Variants in WDR62 observed in about 807,000 individuals in gnomAD.
WDR62 encodes the protein WD repeat domain 62.
Under a neutral mutation model 160.6 loss-of-function variants are expected in WDR62, and 112 were observed. The observed-to-expected ratio is 0.70, with a 90% CI of 0.60 to 0.82. The LOEUF (loss-of-function observed/expected upper bound fraction) is 0.82. Ranked by LOEUF, WDR62 falls within the 40% of genes least tolerant of loss-of-function variation. The pLI, the probability that WDR62 is intolerant of heterozygous loss-of-function variation, is 0.00. For missense variants in WDR62, 1,819 were observed against 1,983.8 expected (o/e 0.92, Z 1.58); for synonymous variants, 792 against 815.1 (o/e 0.97, Z 0.48).
intron 16 of WDR62, 84 bp from the exon 17 acceptor site, chr19:36,091,116 C>T (rs1396163390): frequency 1.6e-5 from 19 of 1,187,236 alleles, no homozygotes; most frequent in Non-Finnish European, 2.3e-5. Context: ...GCTGTGCATG[C>T]AGCACGGGGG....
chr19:36,081,210 A>G (rs1971875834), intron 9 of WDR62, among the ~76,000 whole-genome samples: 1 of 152,140 alleles, frequency 6.6e-6, no homozygotes, highest in Admixed American at 6.5e-5. Context: ...TTCCCTTGGA[A>G]GTTTATTTGA....
At chr19:36,109,912 G>A (rs1357673461), downstream of WDR62, among the ~76,000 whole-genome samples, 1 of 151,648 alleles carries the variant, frequency 6.6e-6, no homozygotes, top group African/African-American at 2.4e-5. Flanking sequence ...AAAATCAGCT[G>A]GGTGCAGTGG....
chr19:36,078,833 C>CAAAAA (rs748116998), intron 9 of WDR62, among the ~76,000 whole-genome samples: 2 of 65,348 alleles, frequency 3.1e-5, no homozygotes, highest in Admixed American at 1.8e-4. Context: ...GAGACTCTGT[C>CAAAAA]AAAAAAAAAA....
In WDR62 at chr19:36,092,766, A is replaced by G. The variant is rs765510155; in HGVS notation, c.2288A>G (p.Gln763Arg). The stretch of plus-strand genomic sequence containing the variant: ...CACTTGCTGGAGATTGACCACCGGC[A>G]GCAGCAGCAGCACACAAATGACAAG... ...KQHLLEIDHR[Q>R]QQQHTNDKKR... The change falls in exon 19 of 32, where the codon CAG becomes CGG. Residue 763 changes from glutamine to arginine, a missense_variant. This residue lies in a region of WDR62 where 934 missense variants were observed against 1,157.2 expected (regional missense o/e 0.81). Coordinates refer to ENST00000401500, the MANE Select transcript of WDR62 (RefSeq NM_001083961.2). 9 of 1,599,796 alleles carry G rather than the reference A, an allele frequency of 5.6e-6. No homozygotes were observed. The highest frequency in any genetic ancestry group is 1.7e-5 in the Admixed American group (1 of 59,560).
In WDR62 at chr19:36,092,674, CTT is replaced by C; in HGVS notation, c.2211-13_2211-12del. ...CTCTTCCTCTGCCTTGTGTGTCTCT[CTT>C]TGACCTCCGCAGCTGCGTGTTCATC... On this transcript the variant is annotated splice_polypyrimidine_tract_variant and intron_variant, in intron 18 of 31. Transcript: ENST00000401500. The C allele has an allele frequency of 6.2e-7, 1 of 1,614,016 alleles. No individual in the cohort carries two copies. The highest frequency in any genetic ancestry group is 2.2e-5 in the East Asian group (1 of 44,882).
intron 9 of WDR62, among the ~76,000 whole-genome samples, chr19:36,074,520 G>A (rs1971473672): frequency 6.6e-6 from 1 of 152,106 alleles, no homozygotes; most frequent in Non-Finnish European, 1.5e-5. Context: ...AAATTAGCCA[G>A]GCGCGCCTAT....
chr19:36,106,395 C>A (rs1973713745), downstream of WDR62, among the ~76,000 whole-genome samples: 1 of 151,880 alleles, frequency 6.6e-6, no homozygotes, highest in South Asian at 2.1e-4. Context: ...CTGCCAGTTC[C>A]CACCCAGGTG....
At chr19:36,072,112 C>T (rs1971332709) in intron 8 of WDR62, among the ~76,000 whole-genome samples, 1 of 152,216 alleles carries the variant, frequency 6.6e-6, no homozygotes, top group African/African-American at 2.4e-5. Flanking sequence ...AAATCTCTGC[C>T]TCTCTGCAGT....
intron 26 of WDR62, 88 bp from the exon 27 acceptor site, chr19:36,102,649 G>A (rs1401004901): frequency 5.2e-6 from 6 of 1,150,136 alleles, no homozygotes; most frequent in Non-Finnish European, 7.8e-6. Context: ...GGGTTTCTGG[G>A]GAGTGCCCCG....
Position 36,102,724 on chromosome 19 carries a change from G to C in WDR62, c.3221-13G>C, listed in dbSNP as rs753800840. 40 of 1,613,294 alleles carry C rather than the reference G, an allele frequency of 2.5e-5. No individual in the cohort carries two copies. The South Asian group carries it at 4.4e-4, about 18-fold the overall frequency. On this transcript the variant is annotated splice_polypyrimidine_tract_variant and intron_variant, in intron 26 of 31. Transcript: ENST00000401500. Reference sequence around the variant, plus strand: ...GGAAGGGTTATGAGGGTCCCCTCGGGATCTTCCCCTAGAGCTCTTCCCCGC... The same window carrying C: ...GGAAGGGTTATGAGGGTCCCCTCGGCATCTTCCCCTAGAGCTCTTCCCCGC...
intron 20 of WDR62, 80 bp from the exon 21 acceptor site, chr19:36,096,947 C>T: frequency 7.2e-7 from 1 of 1,384,786 alleles, no homozygotes; most frequent in South Asian, 1.2e-5. Flanking sequence ...GGTGTTGCCT[C>T]TTTGGGGACT....
chr19:36,064,860 G>C (rs758741598), intron 3 of WDR62, among the ~76,000 whole-genome samples: 1 of 152,166 alleles, frequency 6.6e-6, no homozygotes, highest in Non-Finnish European at 1.5e-5. Flanking sequence ...GATTACAGGC[G>C]TGAGGCACCG....
At chr19:36,067,565 G>T (rs1971009003) in intron 6 of WDR62, 122 bp downstream of exon 6, 2 of 1,431,322 alleles carry the variant, frequency 1.4e-6, no homozygotes, top group Non-Finnish European at 1.9e-6. Flanking sequence ...GCCTCTCAGG[G>T]GCCCAGCTGC....
At position 36,084,743 on chromosome 19, in the gene WDR62, G is replaced by T. The variant is rs2301734; in HGVS notation, c.1641G>T (p.Thr547=). The stretch of plus-strand genomic sequence containing the variant: ...GCCTGGAGTACTCCAAGCCAGAGAC[G>T]GGTGAGCCCGCAGCAGGGGTGGAAT... ...VLCLEYSKPE[T]GLTLLASASR... is the part of the protein sequence containing the mutation. Residue 547 remains threonine (T), a splice_region_variant and synonymous_variant, in exon 12 of 32, where the codon ACG becomes ACT. Coordinates refer to ENST00000401500, the MANE Select transcript of WDR62 (RefSeq NM_001083961.2). 352 of 1,612,916 alleles carry T rather than the reference G, an allele frequency of 2.2e-4. 1 individual carries two copies. The African/African-American group carries it at 4.1e-3, about 19-fold the overall frequency.
At position 36,067,891 on chromosome 19, in the gene WDR62, T is replaced by G; in HGVS notation, c.763T>G (p.Phe255Val). ...CCTGGGCGAGCTGCACAACAACATC[T>G]TCTGTGGTGTGGCCTGCGGTCGGGG... ...GILGELHNNI[F>V]CGVACGRGRM... The change falls in exon 7 of 32, where the codon TTC (phenylalanine) becomes GTC (valine). Residue 255 changes from phenylalanine (F) to valine (V), a missense_variant. Coordinates refer to ENST00000401500, the MANE Select transcript of WDR62 (RefSeq NM_001083961.2). 6.2e-7 allele frequency: 1 copy of G among 1,614,160 alleles called. No homozygotes were observed. The highest frequency in any genetic ancestry group is 8.5e-7 in the Non-Finnish European group (1 of 1,180,014).
chr19:36,060,651 G>C (rs1970601083), intron 3 of WDR62: 1 of 153,948 alleles, frequency 6.5e-6, no homozygotes, highest in Non-Finnish European at 1.4e-5. Context: ...GGCACCACAG[G>C]CCAGGAATGT....
At position 36,057,645 on chromosome 19, in the gene WDR62, C is replaced by T. The variant is rs144723643; in HGVS notation, c.178-1135C>T. Reference sequence around the variant, plus strand: ...TTTTACTGCCTCAGCCTCCTGAGTGCCTGGGATTATAGGCATGGGCCACCA... The same window carrying T: ...TTTTACTGCCTCAGCCTCCTGAGTGTCTGGGATTATAGGCATGGGCCACCA... On this transcript the variant is annotated intron_variant, in intron 1 of 31. Transcript: ENST00000401500. Among the ~76,000 whole-genome samples the T allele has an allele frequency of 9.1e-3, 1,386 of 152,098 alleles. 28 individuals carry two copies. The highest frequency in any genetic ancestry group is 0.032 in the African/African-American group (1,338 of 41,464).
rs150100338 is a variant in WDR62 at position 36,103,368 on chromosome 19, C to T, written c.3540C>T (p.Ser1180=). 124 of 1,613,980 alleles carry T rather than the reference C, an allele frequency of 7.7e-5. No individual in the cohort carries two copies. The African/African-American group carries it at 7.9e-4, about 10-fold the overall frequency. ...CTCCCTGCCTTACGAGCCTGGCGTC[C>T]TGTGTCCCTGCTTCCTCCGTGCTGC... ...PPPPCLTSLA[S]CVPASSVLPT... The change falls in exon 30 of 32, where the codon TCC becomes TCT. Residue 1180 remains serine, a synonymous_variant. Coordinates refer to ENST00000401500, the MANE Select transcript of WDR62 (RefSeq NM_001083961.2).
At chr19:36,092,365 C>T (rs1317623320) in intron 18 of WDR62, among the ~76,000 whole-genome samples, 1 of 151,230 alleles carries the variant, frequency 6.6e-6, no homozygotes, top group East Asian at 1.9e-4. Context: ...GATATACATA[C>T]ATTCTTTAGC....
Sources: gnomAD v4.1 joint callset for allele counts (sites outside exome capture counted in the v4.1 genomes callset) on GRCh38, gnomAD v4.1.1 for gene constraint, gnomAD v4.1.1 regional missense constraint, MANE v1.5 for transcripts, NCBI Gene and HGNC (gene_info 2026-07-23, HGNC 2026-07-21) for gene names.